SNIP1: variants seen among roughly 807,000 people sequenced by gnomAD.
SNIP1 encodes Smad nuclear interacting protein 1, also known as smad nuclear-interacting protein 1.
SNIP1 carries 23 observed loss-of-function variants against 37.4 expected under a neutral mutation model. The ratio of observed to expected loss-of-function variants is 0.61; its 90% CI spans 0.44 to 0.87. SNIP1 has a LOEUF of 0.87. Among genes scored for constraint, SNIP1 ranks in the 40% least tolerant of loss-of-function variants. The pLI, the probability that SNIP1 is intolerant of heterozygous loss-of-function variation, is 0.00. For missense variants in SNIP1, 459 were observed against 540.4 expected (o/e 0.85, Z 1.49); for synonymous variants, 174 against 200.0 (o/e 0.87, Z 1.10).
At chr1:37,539,319 G>A (rs1005562560) in intron 3 of SNIP1, among the ~76,000 whole-genome samples, 7 of 152,086 alleles carry the variant, frequency 4.6e-5, no homozygotes, top group Admixed American at 1.3e-4. Context: ...CATTTGTTAG[G>A]CAAGTCACTT....
intron 2 of SNIP1, chr1:37,545,389 T>C (rs1376595191): frequency 2.2e-6 from 1 of 455,310 alleles, no homozygotes; most frequent in Non-Finnish European, 4.2e-6. Context: ...TTACCTTTTC[T>C]ATAAGTTGTA....
intron 2 of SNIP1, among the ~76,000 whole-genome samples, chr1:37,549,237 A>G (rs72657791): frequency 0.051 from 7,724 of 152,300 alleles, 287 homozygotes; most frequent in Non-Finnish European, 0.077. Context: ...ATCATTCCAC[A>G]AAGAAATATG....
At chr1:37,547,692 C>G (rs1479633156) in intron 2 of SNIP1, among the ~76,000 whole-genome samples, 2 of 151,988 alleles carry the variant, frequency 1.3e-5, no homozygotes, top group East Asian at 3.9e-4. Context: ...CAAGATCACA[C>G]TACTGCACTC....
chr1:37,541,220 TA>T (rs962237371), intron 2 of SNIP1: 24 of 150,566 alleles, frequency 1.6e-4, no homozygotes, highest in Admixed American at 6.7e-4. Flanking sequence ...CTTCCATAGT[TA>T]AAAAAAAAAT....
chr1:37,546,683 GAGAA>G (rs774870868), intron 2 of SNIP1, among the ~76,000 whole-genome samples: 19 of 152,066 alleles, frequency 1.2e-4, no homozygotes, highest in Middle Eastern at 3.4e-3. Context: ...CAAAAAAAAA[GAGAA>G]AGAAAGAAAG....
In SNIP1 at chr1:37,537,732, T is replaced by A; in HGVS notation, c.*16A>T. 6.2e-7 allele frequency: 1 copy of A among 1,607,036 alleles called. No individual in the cohort carries two copies. Among genetic ancestry groups the A allele is most frequent in the Non-Finnish European group, 8.5e-7 (1 of 1,176,356 alleles). On this transcript the variant is annotated 3_prime_UTR_variant, in exon 4 of 4. Coordinates refer to ENST00000296215, the MANE Select transcript of SNIP1 (RefSeq NM_024700.4). ...AAGAAGGAAACCGTGTATCAATAGT[T>A]TGGGTTCTTAGTTTGCTAGCTGTCA...
chr1:37,536,614 C>T lies in SNIP1; in HGVS notation c.*1134G>A, dbSNP rs1479783120. ...AACCTGCTCTTCAAATGCAGGGAGGCCTTTGCCTAACATTGTCATATGAAA... is the reference window on the plus strand; with the variant it reads ...AACCTGCTCTTCAAATGCAGGGAGGTCTTTGCCTAACATTGTCATATGAAA... On this transcript the variant is annotated 3_prime_UTR_variant, in exon 4 of 4. Coordinates refer to ENST00000296215, the MANE Select transcript of SNIP1 (RefSeq NM_024700.4). 1.3e-5 allele frequency: 2 copies of T among 152,480 alleles called. No homozygotes were observed. The highest frequency in any genetic ancestry group is 6.6e-5 in the Admixed American group (1 of 15,258). The allele number at this position is 152,480 out of a possible 1,614,324, so 9.4% of individuals were successfully genotyped here.
rs557558900 is a variant in SNIP1 at position 37,552,374 on chromosome 1, G to C, written c.327+271C>G. ...TTATGAATAGATGTTACCACTGGGA[G>C]AAACCAGGAAGAGTATATCTCCCTG... On this transcript the variant is annotated intron_variant, in intron 2 of 3. Coordinates refer to ENST00000296215, the MANE Select transcript of SNIP1 (RefSeq NM_024700.4). The C allele has an allele frequency of 5.3e-5, 21 of 399,154 alleles. No homozygotes were observed. In the East Asian group the frequency reaches 8.9e-4, roughly 17 times the overall value. The allele number at this position is 399,154 out of a possible 1,614,324, so 24.7% of individuals were successfully genotyped here. A position where few individuals can be genotyped will look rare whatever the true frequency, so the allele number is the denominator to read the frequency against.
intron 2 of SNIP1, among the ~76,000 whole-genome samples, chr1:37,551,930 T>C (rs1643305934): frequency 6.6e-6 from 1 of 152,204 alleles, no homozygotes; most frequent in Non-Finnish European, 1.5e-5. Flanking sequence ...TAAAAACCTG[T>C]ACACAAATGT....
Position 37,540,130 on chromosome 1 carries a change from T to C in SNIP1, c.926+27A>G, listed in dbSNP as rs1447972067. ...ACTGAGTGATTGTTTCTGCTCACAT[T>C]ACAGTTTCTTCCTCCATGTTACTTA... On this transcript the variant is annotated intron_variant, in intron 3 of 3. Coordinates refer to ENST00000296215, the MANE Select transcript of SNIP1 (RefSeq NM_024700.4). The surrounding 1 kb of genome is among the most constrained non-coding windows in gnomAD (Gnocchi z 5.6). The C allele has an allele frequency of 3.9e-6, 6 of 1,537,876 alleles. No homozygotes were observed. In the Admixed American group the frequency reaches 9.9e-5, roughly 25 times the overall value.
At chr1:37,551,789 G>C (rs6426023) in intron 2 of SNIP1, among the ~76,000 whole-genome samples, 1 of 151,830 alleles carries the variant, frequency 6.6e-6, no homozygotes, top group Non-Finnish European at 1.5e-5. Flanking sequence ...GTGGCCCTAG[G>C]TAAACTAATA....
chr1:37,538,898 C>T (rs577678513), intron 3 of SNIP1, among the ~76,000 whole-genome samples: 7 of 152,152 alleles, frequency 4.6e-5, no homozygotes, highest in Non-Finnish European at 1.0e-4. Flanking sequence ...TTTTCAGCTG[C>T]TCCCCATCAC....
At position 37,535,066 on chromosome 1, in the gene SNIP1, A is replaced by T. The variant is rs1643070739; in HGVS notation, c.*2682T>A. 1 of 143,718 alleles carries T rather than the reference A, an allele frequency of 7.0e-6. No homozygotes were observed. The highest frequency in any genetic ancestry group is 2.2e-4 in the South Asian group (1 of 4,630). The allele number at this position is 143,718 out of a possible 1,614,324, so 8.9% of individuals were successfully genotyped here. On this transcript the variant is annotated 3_prime_UTR_variant, in exon 4 of 4. Transcript: ENST00000296215. ...AAAGGGGTAAGGGAAAACAAGACCAAAAAAAAAAAAAAACACCTTCTCAGG... is the reference window on the plus strand; with the variant it reads ...AAAGGGGTAAGGGAAAACAAGACCATAAAAAAAAAAAAACACCTTCTCAGG...
chr1:37,540,433 T>G lies in SNIP1; in HGVS notation c.650A>C (p.Glu217Ala). 6.2e-7 allele frequency: 1 copy of G among 1,614,132 alleles called. No individual in the cohort carries two copies. Among genetic ancestry groups the G allele is most frequent in the East Asian group, 2.2e-5 (1 of 44,886 alleles). The change falls in exon 3 of 4, where the codon GAG becomes GCG. Residue 217 changes from glutamate to alanine, a missense_variant. Glu to Ala is a moderately radical substitution (Grantham distance 107). Coordinates refer to ENST00000296215, the MANE Select transcript of SNIP1 (RefSeq NM_024700.4). The surrounding 1 kb of genome is among the most constrained non-coding windows in gnomAD (Gnocchi z 5.6). ...GCTTGGTTTTTCTTTAGCGGGCACC[T>G]CTTTTTCTTTGTTGTTGCCACCAGG... ...PRPGGNNKEK[E>A]VPAKEKPSFE...
chr1:37,540,868 G>T lies in SNIP1; in HGVS notation c.328-113C>A. The stretch of plus-strand genomic sequence containing the variant: ...AAAAAGTCTTGTAATTTGGACTTTG[G>T]CATTTAGAACAACATTTCCCACAGA... On this transcript the variant is annotated intron_variant, in intron 2 of 3. Coordinates refer to ENST00000296215, the MANE Select transcript of SNIP1 (RefSeq NM_024700.4). This position sits in a 1 kb window ranked among gnomAD's most constrained non-coding sequence, Gnocchi z 5.6. 2.0e-6 allele frequency: 2 copies of T among 1,005,310 alleles called. No individual in the cohort carries two copies. Among genetic ancestry groups the T allele is most frequent in the Non-Finnish European group, 2.9e-6 (2 of 693,894 alleles). 62.3% of individuals were successfully genotyped at this position (1,005,310 alleles called of 1,614,324 possible).
In SNIP1 at chr1:37,552,631, C is replaced by A. The variant is rs1396401540; in HGVS notation, c.327+14G>T. On this transcript the variant is annotated intron_variant, in intron 2 of 3. Transcript: ENST00000296215. Reference sequence around the variant, plus strand: ...TCTCAATTTGGACCCATCAAAACACCCCAATCCACTTACCTGCTTCACTTT... The same window carrying A: ...TCTCAATTTGGACCCATCAAAACACACCAATCCACTTACCTGCTTCACTTT... 3 of 1,608,960 alleles carry A rather than the reference C, an allele frequency of 1.9e-6. No individual in the cohort carries two copies. The African/African-American group carries it at 4.0e-5, about 22-fold the overall frequency.
At position 37,540,687 on chromosome 1, in the gene SNIP1, G is replaced by C. The variant is rs187847428; in HGVS notation, c.396C>G (p.His132Gln). 1.8e-4 allele frequency: 294 copies of C among 1,613,966 alleles called. 6 individuals are homozygous for C. In the East Asian group the frequency reaches 6.2e-3, roughly 34 times the overall value. The change falls in exon 3 of 4, where the codon CAC becomes CAG. Residue 132 changes from histidine (H) to glutamine (Q), a missense_variant. By Grantham distance (24) the His-to-Gln change is conservative. Coordinates refer to ENST00000296215, the MANE Select transcript of SNIP1 (RefSeq NM_024700.4). This position sits in a 1 kb window ranked among gnomAD's most constrained non-coding sequence, Gnocchi z 5.6. ...CCCGGTCACTGTTCCTAGCTCTCCT[G>C]TGTTCCTGTTCTGATGGTTCCCTGT... ...RQHREPSEQE[H>Q]RRARNSDRDR...
Position 37,554,257 on chromosome 1 carries a change from A to T in SNIP1, c.-28T>A. Reference sequence around the variant, plus strand: ...TGTGATTTTGGCTGGGCGAAAGAAAACAGATCAGTTGAGCTCCTCTAGCTG... The same window carrying T: ...TGTGATTTTGGCTGGGCGAAAGAAATCAGATCAGTTGAGCTCCTCTAGCTG... On this transcript the variant is annotated 5_prime_UTR_variant, in exon 1 of 4. Coordinates refer to ENST00000296215, the MANE Select transcript of SNIP1 (RefSeq NM_024700.4). 6.4e-7 allele frequency: 1 copy of T among 1,573,504 alleles called. No individual in the cohort carries two copies. Among genetic ancestry groups the T allele is most frequent in the South Asian group, 1.2e-5 (1 of 84,896 alleles).
At chr1:37,548,147 C>T (rs1490640454) in intron 2 of SNIP1, among the ~76,000 whole-genome samples, 1 of 71,920 alleles carries the variant, frequency 1.4e-5, no homozygotes, top group East Asian at 3.8e-4. Flanking sequence ...AGCGAGACTC[C>T]ATATCAAAAA....
Sources: allele counts gnomAD v4.1 joint callset (sites outside exome capture counted in the v4.1 genomes callset), GRCh38; gene constraint gnomAD v4.1.1; non-coding constraint Gnocchi (gnomAD v3.1); transcripts MANE v1.5; gene names NCBI Gene and HGNC (gene_info 2026-07-23, HGNC 2026-07-21).